Variants in KCNIP4 observed in about 807,000 individuals in gnomAD.
KCNIP4 encodes the protein Kv channel-interacting protein 4.
In KCNIP4, 12 loss-of-function variants were observed where a neutral mutation model predicts 34.0. The observed-to-expected ratio is 0.35, with a 90% CI of 0.23 to 0.57. The LOEUF (loss-of-function observed/expected upper bound fraction) is 0.57. KCNIP4 is among the 20% of genes least tolerant of loss of function. The pLI, the probability that KCNIP4 is intolerant of heterozygous loss-of-function variation, is 0.83. For synonymous variants in KCNIP4, 124 were observed against 102.2 expected (o/e 1.21, Z -1.29); for missense variants, 238 against 311.7 (o/e 0.76, Z 1.78).
chr4:21,548,050 T>G (rs991401774), intron 1 of KCNIP4, among the ~76,000 whole-genome samples: 3 of 152,066 alleles, frequency 2.0e-5, no homozygotes, highest in Non-Finnish European at 4.4e-5. Context: ...TTTCTTACAT[T>G]TATTCACACA....
chr4:21,054,223 A>G (rs1743195908), intron 1 of KCNIP4, among the ~76,000 whole-genome samples: 1 of 152,116 alleles, frequency 6.6e-6, no homozygotes, highest in Non-Finnish European at 1.5e-5. Context: ...TATAATTAAG[A>G]CAATAAACAA....
intron 1 of KCNIP4, among the ~76,000 whole-genome samples, chr4:21,237,372 T>C (rs1759443264): frequency 1.3e-5 from 2 of 152,026 alleles, no homozygotes; most frequent in South Asian, 4.1e-4. Context: ...TACAATCAAA[T>C]AGGTAATAAC....
intron 1 of KCNIP4, among the ~76,000 whole-genome samples, chr4:21,492,603 A>G (rs528015007): frequency 1.3e-5 from 2 of 152,270 alleles, no homozygotes; most frequent in East Asian, 3.9e-4. Flanking sequence ...GAGTGAATAT[A>G]TGTGTGACTA....
intron 3 of KCNIP4, among the ~76,000 whole-genome samples, chr4:20,769,390 A>G (rs1755679798): frequency 6.6e-6 from 1 of 152,166 alleles, no homozygotes; most frequent in South Asian, 2.1e-4. Flanking sequence ...ATGCATGTAG[A>G]ATTGTTTGAT....
At chr4:21,285,246 G>A (rs1017068867) in intron 1 of KCNIP4, among the ~76,000 whole-genome samples, 1 of 152,070 alleles carries the variant, frequency 6.6e-6, no homozygotes, top group Non-Finnish European at 1.5e-5. Context: ...GAGGTTGCTT[G>A]AAAAGGTCTC....
intron 1 of KCNIP4, among the ~76,000 whole-genome samples, chr4:20,928,505 A>C (rs1377041590): frequency 1.3e-5 from 2 of 152,002 alleles, no homozygotes; most frequent in African/African-American, 4.8e-5. Context: ...ATAAATGCCT[A>C]CATTAAAAAA....
At chr4:21,071,634 T>G (rs1255477090) in intron 1 of KCNIP4, among the ~76,000 whole-genome samples, 2 of 152,166 alleles carry the variant, frequency 1.3e-5, no homozygotes, top group African/African-American at 2.4e-5. Flanking sequence ...TTTATTTATT[T>G]TTTTATCTTT....
At chr4:21,910,275 A>G (rs1383194733) in intron 1 of KCNIP4, among the ~76,000 whole-genome samples, 2 of 152,130 alleles carry the variant, frequency 1.3e-5, no homozygotes, top group African/African-American at 4.8e-5. Flanking sequence ...TGTGTTGTCT[A>G]TAAGGTCTAA....
intron 1 of KCNIP4, among the ~76,000 whole-genome samples, chr4:21,370,844 T>TACAC (rs1560338034): frequency 1.5e-4 from 4 of 25,904 alleles, no homozygotes; most frequent in African/African-American, 7.1e-4. Context: ...TATATATATA[T>TACAC]ATATATACAC....
At chr4:20,911,313 G>A (rs1472529680) in intron 1 of KCNIP4, among the ~76,000 whole-genome samples, 2 of 152,128 alleles carry the variant, frequency 1.3e-5, no homozygotes, top group Non-Finnish European at 2.9e-5. Context: ...TGTAAACTGT[G>A]TTTGCTTACA....
chr4:21,131,286 A>G (rs1751048870), intron 1 of KCNIP4, among the ~76,000 whole-genome samples: 1 of 152,196 alleles, frequency 6.6e-6, no homozygotes, highest in South Asian at 2.1e-4. Context: ...GAACATATGG[A>G]GCCAATCGCA....
At chr4:21,814,680 G>A (rs1721884734) in intron 1 of KCNIP4, among the ~76,000 whole-genome samples, 1 of 152,154 alleles carries the variant, frequency 6.6e-6, no homozygotes. Flanking sequence ...AGAGCAAAAG[G>A]CTGAAGAGGG....
intron 1 of KCNIP4, among the ~76,000 whole-genome samples, chr4:21,567,086 C>A (rs1450958759): frequency 6.6e-6 from 1 of 152,054 alleles, no homozygotes. Flanking sequence ...TTATGAACAA[C>A]CAGCATTTAT....
intron 1 of KCNIP4, among the ~76,000 whole-genome samples, chr4:21,369,199 C>T (rs1255654693): frequency 6.8e-6 from 1 of 147,142 alleles, no homozygotes; most frequent in African/African-American, 2.7e-5. Context: ...CGTTTATAGA[C>T]TTCTAGGCAC....
intron 2 of KCNIP4, among the ~76,000 whole-genome samples, chr4:20,857,616 G>A (rs1246752557): frequency 7.1e-6 from 1 of 140,322 alleles, no homozygotes; most frequent in Non-Finnish European, 1.6e-5. Flanking sequence ...TATATGCATA[G>A]GGACAAGATT....
At chr4:21,653,536 CATCT>C (rs564353977) in intron 1 of KCNIP4, among the ~76,000 whole-genome samples, 56 of 152,274 alleles carry the variant, frequency 3.7e-4, no homozygotes, top group African/African-American at 1.1e-3. Context: ...TATATCCATC[CATCT>C]ATTTCTATAT....
intron 1 of KCNIP4, among the ~76,000 whole-genome samples, chr4:21,683,883 C>T (rs941386569): frequency 6.6e-6 from 1 of 151,986 alleles, no homozygotes; most frequent in African/African-American, 2.4e-5. Flanking sequence ...CCCAGTTACT[C>T]GAGACTGTAC....
intron 1 of KCNIP4, among the ~76,000 whole-genome samples, chr4:21,350,404 G>A (rs541602891): frequency 2.6e-5 from 4 of 152,120 alleles, no homozygotes; most frequent in Non-Finnish European, 5.9e-5. Context: ...TATACCCCAA[G>A]GAATATGCAG....
intron 1 of KCNIP4, among the ~76,000 whole-genome samples, chr4:21,432,404 G>C (rs1223811851): frequency 2.0e-5 from 3 of 151,692 alleles, no homozygotes; most frequent in Non-Finnish European, 4.4e-5. Flanking sequence ...TTCCCACAAA[G>C]TACTTAAGGA....
Sources: gnomAD v4.1 joint callset for allele counts (sites outside exome capture counted in the v4.1 genomes callset) on GRCh38, gnomAD v4.1.1 for gene constraint, MANE v1.5 for transcripts, NCBI Gene and HGNC (gene_info 2026-07-23, HGNC 2026-07-21) for gene names.